Variants in FARSB observed in about 807,000 individuals in gnomAD.
FARSB encodes phenylalanine--tRNA ligase beta subunit.
A neutral mutation model predicts 69.6 loss-of-function variants in FARSB; 40 were observed. The ratio of observed to expected loss-of-function variants is 0.57; its 90% CI spans 0.45 to 0.75. The LOEUF (loss-of-function observed/expected upper bound fraction) is 0.75, where lower values mean the gene tolerates loss of function less well. Ranked by LOEUF, FARSB falls within the 30% of genes least tolerant of loss-of-function variation. The pLI is 0.00. For missense variants in FARSB, 632 were observed against 722.9 expected, an observed-to-expected ratio of 0.87 and a Z score of 1.44; for synonymous variants, 235 against 247.2, an observed-to-expected ratio of 0.95 and a Z score of 0.46.
At chr2:222,586,892 C>T (rs188486965) in intron 16 of FARSB, among the ~76,000 whole-genome samples, 2 of 152,228 alleles carry the variant, frequency 1.3e-5, no homozygotes, top group East Asian at 3.9e-4. Context: ...ACTTAGACTC[C>T]CACACAATAA....
intron 16 of FARSB, among the ~76,000 whole-genome samples, chr2:222,595,826 G>T (rs1429708564): frequency 6.6e-6 from 1 of 151,890 alleles, no homozygotes; most frequent in African/African-American, 2.4e-5. Context: ...CCCAGAAGTG[G>T]TTTTTGAAAA....
intron 16 of FARSB, among the ~76,000 whole-genome samples, chr2:222,574,737 T>C (rs1355294363): frequency 6.6e-6 from 1 of 152,174 alleles, no homozygotes; most frequent in Admixed American, 6.5e-5. Flanking sequence ...AAATGGCAAG[T>C]TAAAATTGTC....
chr2:222,588,715 A>G (rs1416507187), intron 16 of FARSB, among the ~76,000 whole-genome samples: 2 of 152,216 alleles, frequency 1.3e-5, no homozygotes, highest in Non-Finnish European at 2.9e-5. Flanking sequence ...GTACACCATT[A>G]ACAGACAAAC....
intron 1 of FARSB, 45 bp downstream of exon 1, chr2:222,655,960 GGAGGCCCTGCC>G (rs1692163464): frequency 2.2e-6 from 3 of 1,389,526 alleles, no homozygotes; most frequent in African/African-American, 2.9e-5. Context: ...CCTTTTGGAG[GGAGGCCCTGCC>G]TCCGAGAAGA....
At chr2:222,602,341 C>T (rs1317464017) in intron 15 of FARSB, among the ~76,000 whole-genome samples, 2 of 151,244 alleles carry the variant, frequency 1.3e-5, no homozygotes, top group Non-Finnish European at 2.9e-5. Context: ...CTAATGTGAT[C>T]TTAAAAAAAA....
chr2:222,604,578 A>G (rs1196964702), intron 15 of FARSB, among the ~76,000 whole-genome samples: 1 of 152,188 alleles, frequency 6.6e-6, no homozygotes, highest in African/African-American at 2.4e-5. Context: ...TCTTTGAGAC[A>G]GGGTCTCACT....
At chr2:222,623,827 A>G (rs1383034209) in intron 12 of FARSB, 97 bp from the exon 13 acceptor site, 3 of 753,376 alleles carry the variant, frequency 4.0e-6, no homozygotes, top group South Asian at 1.6e-5. Flanking sequence ...TTTTTTAAAT[A>G]AAAATGTTTA....
chr2:222,642,583 A>G (rs1004727190), intron 3 of FARSB, among the ~76,000 whole-genome samples: 3 of 152,238 alleles, frequency 2.0e-5, no homozygotes, highest in Admixed American at 1.3e-4. Context: ...CACCTGCTAA[A>G]TAATTTTTTA....
chr2:222,630,927 G>A (rs1457417530), intron 8 of FARSB, among the ~76,000 whole-genome samples: 5 of 152,110 alleles, frequency 3.3e-5, no homozygotes, highest in Admixed American at 3.3e-4. Flanking sequence ...AGATGTACAT[G>A]AATACCATTT....
Position 222,624,294 on chromosome 2 carries a change from T to G in FARSB, c.1148A>C (p.Lys383Thr), listed in dbSNP as rs988400621. 4 of 1,610,018 alleles carry G rather than the reference T, an allele frequency of 2.5e-6. No individual in the cohort carries two copies. In the African/African-American group the frequency reaches 5.3e-5, roughly 22 times the overall value. ...TACTTGATTAGCTATGGTGTAAGTT[T>G]TCGGGAGAGTCATCTGAATGTTGTT... ...GYNNIQMTLP[K>T]TYTIANQFPL... Residue 383 changes from lysine to threonine, a missense_variant, in exon 12 of 17, where the codon AAA becomes ACA. Transcript: ENST00000281828.
intron 16 of FARSB, among the ~76,000 whole-genome samples, chr2:222,590,386 G>C (rs1690237796): frequency 6.6e-6 from 1 of 151,986 alleles, no homozygotes; most frequent in Non-Finnish European, 1.5e-5. Flanking sequence ...AAGGGGGAGG[G>C]AAAGCATTAG....
chr2:222,579,614 CT>C (rs1274121102), intron 16 of FARSB, among the ~76,000 whole-genome samples: 1 of 152,150 alleles, frequency 6.6e-6, no homozygotes, highest in Non-Finnish European at 1.5e-5. Flanking sequence ...GCAGAAACTC[CT>C]TCTGAATTTA....
At chr2:222,616,811 TA>T (rs1691009188) in intron 14 of FARSB, among the ~76,000 whole-genome samples, 1 of 152,160 alleles carries the variant, frequency 6.6e-6, no homozygotes. Flanking sequence ...GAAACTGAGT[TA>T]TAGGCCCATG....
chr2:222,644,697 T>G (rs1691803942), intron 2 of FARSB: 1 of 251,210 alleles, frequency 4.0e-6, no homozygotes, highest in Admixed American at 4.7e-5. Context: ...TGGATAGGAC[T>G]AAATGTTACA....
At chr2:222,638,015 C>T (rs930924797) in intron 5 of FARSB, among the ~76,000 whole-genome samples, 2 of 151,852 alleles carry the variant, frequency 1.3e-5, no homozygotes, top group African/African-American at 2.4e-5. Flanking sequence ...ATCAATAAAA[C>T]TGATAAACCT....
At chr2:222,603,641 A>G (rs1341731735) in intron 15 of FARSB, among the ~76,000 whole-genome samples, 5 of 147,984 alleles carry the variant, frequency 3.4e-5, no homozygotes, top group Non-Finnish European at 3.0e-5. Context: ...GCTGGAGCTA[A>G]TACGATTAAT....
At chr2:222,639,546 G>C in intron 5 of FARSB, 34 bp downstream of exon 5, 1 of 993,792 alleles carries the variant, frequency 1.0e-6, no homozygotes, top group South Asian at 1.5e-5. Flanking sequence ...AGGGAAAGGG[G>C]AAGGCAAGGA....
intron 2 of FARSB, among the ~76,000 whole-genome samples, chr2:222,648,106 C>T (rs1691917692): frequency 6.6e-6 from 1 of 152,058 alleles, no homozygotes. Context: ...GACTCAGACC[C>T]CCAACCCCAC....
intron 16 of FARSB, among the ~76,000 whole-genome samples, chr2:222,585,174 C>T (rs1377396206): frequency 6.6e-6 from 1 of 152,208 alleles, no homozygotes; most frequent in African/African-American, 2.4e-5. Flanking sequence ...GCAACATTTG[C>T]CGTTCTACAA....
Sources: gnomAD v4.1 joint callset for allele counts (sites outside exome capture counted in the v4.1 genomes callset) on GRCh38, gnomAD v4.1.1 for gene constraint, MANE v1.5 for transcripts, NCBI Gene and HGNC (gene_info 2026-07-23, HGNC 2026-07-21) for gene names.